MUSK: variants seen among roughly 807,000 people sequenced by gnomAD.
MUSK encodes muscle, skeletal receptor tyrosine-protein kinase.
MUSK carries 55 observed loss-of-function variants against 88.7 expected under a neutral mutation model. The observed-to-expected ratio is 0.62, with a 90% CI of 0.50 to 0.78. The LOEUF is 0.78. Among genes scored for constraint, MUSK ranks in the 30% least tolerant of loss-of-function variants. The pLI is 0.00. For missense variants in MUSK, 1,015 were observed against 1,074.3 expected (o/e 0.94, Z 0.77); for synonymous variants, 387 against 391.9 (o/e 0.99, Z 0.15).
chr9:110,757,079 T>C (rs1391748280), intron 7 of MUSK, among the ~76,000 whole-genome samples: 1 of 152,212 alleles, frequency 6.6e-6, no homozygotes, highest in Non-Finnish European at 1.5e-5. Flanking sequence ...CAAAATCAAC[T>C]TCTAAAACCA....
intron 5 of MUSK, among the ~76,000 whole-genome samples, chr9:110,718,458 G>T (rs1343987417): frequency 1.3e-5 from 2 of 151,840 alleles, no homozygotes; most frequent in African/African-American, 4.8e-5. Context: ...CTCAGTAACA[G>T]AATCACACAA....
intron 3 of MUSK, among the ~76,000 whole-genome samples, chr9:110,690,832 A>T (rs1407407615): frequency 7.8e-6 from 1 of 128,362 alleles, no homozygotes; most frequent in Non-Finnish European, 1.5e-5. Context: ...ATATAAATAT[A>T]TATAAATATA....
intron 7 of MUSK, chr9:110,748,044 C>A: frequency 1.5e-6 from 1 of 653,956 alleles, no homozygotes; most frequent in Non-Finnish European, 2.8e-6. Context: ...TCCAGGAACT[C>A]ACTTCTTCCT....
chr9:110,755,985 T>TATATATAC (rs2077317983), intron 7 of MUSK, among the ~76,000 whole-genome samples: 1 of 142,100 alleles, frequency 7.0e-6, no homozygotes, highest in South Asian at 2.2e-4. Context: ...TATACATATA[T>TATATATAC]ATATATATAT....
At chr9:110,776,011 AT>A (rs1564285222) in intron 10 of MUSK, 48 bp downstream of exon 10, 6 of 1,534,524 alleles carry the variant, frequency 3.9e-6, no homozygotes, top group Non-Finnish European at 5.3e-6. Context: ...GAAATTTACT[AT>A]TTTGAAGAAA....
intron 3 of MUSK, among the ~76,000 whole-genome samples, chr9:110,689,548 T>C (rs2076261909): frequency 9.3e-6 from 1 of 107,698 alleles, no homozygotes; most frequent in African/African-American, 4.0e-5. Context: ...TATAGTTATA[T>C]ATATTTATAT....
chr9:110,734,421 T>C (rs769527363), intron 6 of MUSK, 46 bp downstream of exon 6: 1 of 1,611,914 alleles, frequency 6.2e-7, no homozygotes, highest in Non-Finnish European at 8.5e-7. Flanking sequence ...GACCCATTGG[T>C]GGTGAACTTC....
In MUSK at chr9:110,763,187, A is replaced by C. The variant is rs189220142; in HGVS notation, c.920+979A>C. ...TATATATTGCTCTGAAAAGCAGTGA[A>C]AATCATGATACACATTATATGAAAA... On this transcript the variant is annotated intron_variant, in intron 8 of 14. Transcript: ENST00000374448. Among the ~76,000 whole-genome samples, 1,058 of 152,336 alleles carry C rather than the reference A, an allele frequency of 6.9e-3. 9 individuals carry two copies. The highest frequency in any genetic ancestry group is 1.0e-2 in the Non-Finnish European group (678 of 68,018).
Position 110,803,280 on chromosome 9 carries a change from A to G in MUSK, c.*2292A>G, listed in dbSNP as rs1222157075. On this transcript the variant is annotated 3_prime_UTR_variant, in exon 15 of 15. Transcript: ENST00000374448. ...CTCACAACATCCCTGTAATGTTGGTACTATCATTATATACATTTTAGTTTT... is the reference window on the plus strand; with the variant it reads ...CTCACAACATCCCTGTAATGTTGGTGCTATCATTATATACATTTTAGTTTT... Among the ~76,000 whole-genome samples the G allele has an allele frequency of 6.6e-6, 1 of 152,222 alleles. No homozygotes were observed. Among genetic ancestry groups the G allele is most frequent in the Non-Finnish European group, 1.5e-5 (1 of 68,032 alleles).
At chr9:110,780,321 T>G (rs2077731117) in intron 11 of MUSK, among the ~76,000 whole-genome samples, 1 of 152,228 alleles carries the variant, frequency 6.6e-6, no homozygotes, top group African/African-American at 2.4e-5. Context: ...CATGGGACTT[T>G]CAGAATCTCC....
intron 8 of MUSK, among the ~76,000 whole-genome samples, chr9:110,765,946 G>A (rs2077476573): frequency 6.6e-6 from 1 of 151,904 alleles, no homozygotes; most frequent in Non-Finnish European, 1.5e-5. Context: ...AGACACAAAG[G>A]GTATGATCTA....
At chr9:110,687,440 T>C (rs982649101) in intron 3 of MUSK, among the ~76,000 whole-genome samples, 172 bp downstream of exon 3, 37 of 152,040 alleles carry the variant, frequency 2.4e-4, no homozygotes, top group African/African-American at 8.9e-4. Flanking sequence ...GTTCAAGTGA[T>C]TCTCCTGCCT....
Position 110,803,011 on chromosome 9 carries a change from C to G in MUSK, c.*2023C>G, listed in dbSNP as rs1337811994. On this transcript the variant is annotated 3_prime_UTR_variant, in exon 15 of 15. Coordinates refer to ENST00000374448, the MANE Select transcript of MUSK (RefSeq NM_005592.4). ...AAGCAGAAAAGTTGGAGAGGGCCAC[C>G]AGCAAGTCTAGAACTTGAGCATAGA... Among the ~76,000 whole-genome samples, 1 of 152,174 alleles carries G rather than the reference C, an allele frequency of 6.6e-6. No homozygotes were observed. Among genetic ancestry groups the G allele is most frequent in the Non-Finnish European group, 1.5e-5 (1 of 68,026 alleles).
chr9:110,733,005 G>T (rs549666052), intron 5 of MUSK, among the ~76,000 whole-genome samples: 1 of 151,996 alleles, frequency 6.6e-6, no homozygotes, highest in Non-Finnish European at 1.5e-5. Context: ...ATTGTCCTGC[G>T]TATCTCCTTA....
chr9:110,684,573 T>C (rs957585392), intron 2 of MUSK, among the ~76,000 whole-genome samples: 1 of 152,068 alleles, frequency 6.6e-6, no homozygotes, highest in Non-Finnish European at 1.5e-5. Context: ...TTTGGTAGTA[T>C]GAACATTTTA....
chr9:110,696,298 T>C (rs564534859), intron 4 of MUSK, among the ~76,000 whole-genome samples: 1 of 152,044 alleles, frequency 6.6e-6, no homozygotes, highest in South Asian at 2.1e-4. Flanking sequence ...AAAGTTATTA[T>C]CCATATGCTT....
In MUSK at chr9:110,800,931, T is replaced by A; in HGVS notation, c.2553T>A (p.Ser851Arg). ...CTGCAGACAGACCCAGTTTCACCAG[T>A]ATTCACCGAATTCTGGAACGCATGT... Reference protein sequence around the residue: ...KLPADRPSFTSIHRILERMCE... With the variant: ...KLPADRPSFTRIHRILERMCE... The change falls in exon 15 of 15, where the codon AGT becomes AGA. Residue 851 changes from serine to arginine, a missense_variant. Transcript: ENST00000374448. 1.3e-6 allele frequency: 2 copies of A among 1,530,622 alleles called. No homozygotes were observed. The highest frequency in any genetic ancestry group is 1.8e-6 in the Non-Finnish European group (2 of 1,140,596). 94.8% of individuals were successfully genotyped at this position (1,530,622 alleles called of 1,614,324 possible). A position where few individuals can be genotyped will look rare whatever the true frequency, so the allele number is the denominator to read the frequency against.
intron 3 of MUSK, among the ~76,000 whole-genome samples, chr9:110,690,020 A>G (rs1462830997): frequency 6.6e-5 from 6 of 91,132 alleles, no homozygotes; most frequent in African/African-American, 1.0e-4. Flanking sequence ...AATATATAAT[A>G]TATATTATAT....
chr9:110,715,889 C>T (rs1278645554), intron 5 of MUSK, among the ~76,000 whole-genome samples: 1 of 149,286 alleles, frequency 6.7e-6, no homozygotes, highest in African/African-American at 2.6e-5. Context: ...CCAAACACCA[C>T]ATGTTGTCAC....
Sources: allele counts gnomAD v4.1 joint callset (sites outside exome capture counted in the v4.1 genomes callset), GRCh38; gene constraint gnomAD v4.1.1; transcripts MANE v1.5; gene names NCBI Gene and HGNC (gene_info 2026-07-23, HGNC 2026-07-21).